The following TEAD1 variants were observed in gnomAD, a reference collection of about 807,000 sequenced individuals.
The protein encoded by TEAD1 is TEA domain transcription factor 1, also known as transcriptional enhancer factor TEF-1.
TEAD1 carries 9 observed loss-of-function variants against 54.9 expected under a neutral mutation model. The ratio of observed to expected loss-of-function variants is 0.16; its 90% CI spans 0.10 to 0.29. The LOEUF (loss-of-function observed/expected upper bound fraction) is 0.29. TEAD1 is among the 10% of genes least tolerant of loss of function. The pLI is 1.00. For missense variants in TEAD1, 387 were observed against 535.9 expected (o/e 0.72, Z 2.74); for synonymous variants, 200 against 187.8 (o/e 1.07, Z -0.53).
In TEAD1 at chr11:12,881,911, G is replaced by C; in HGVS notation, c.528G>C (p.Val176=). The change falls in exon 8 of 13, where the codon GTG becomes GTC. Residue 176 remains valine, a synonymous_variant. Coordinates refer to ENST00000527636, the MANE Select transcript of TEAD1 (RefSeq NM_021961.6). ...CTGTTCCCAGCGTCAAGCCTTTTGT[G>C]CAGCAGGCCTACCCCATCCAGCCAG... 1 of 1,614,188 alleles carries C rather than the reference G, an allele frequency of 6.2e-7. No individual in the cohort carries two copies. Among genetic ancestry groups the C allele is most frequent in the Non-Finnish European group, 8.5e-7 (1 of 1,180,026 alleles).
At chr11:12,853,023 G>C (rs576557102) in intron 3 of TEAD1, among the ~76,000 whole-genome samples, 1 of 152,226 alleles carries the variant, frequency 6.6e-6, no homozygotes, top group South Asian at 2.1e-4. Context: ...TTATAATATT[G>C]TGGTCTTTCC....
intron 2 of TEAD1, among the ~76,000 whole-genome samples, chr11:12,745,581 T>C (rs1241556069): frequency 6.7e-6 from 1 of 148,882 alleles, no homozygotes; most frequent in African/African-American, 2.6e-5. Context: ...ATTGTCATTT[T>C]AAGGGGTTTT....
At chr11:12,758,724 A>T (rs1945041442) in intron 2 of TEAD1, among the ~76,000 whole-genome samples, 1 of 151,504 alleles carries the variant, frequency 6.6e-6, no homozygotes, top group African/African-American at 2.4e-5. Flanking sequence ...ATTTTTTTAA[A>T]TAGAGGCAAG....
intron 3 of TEAD1, among the ~76,000 whole-genome samples, chr11:12,833,077 A>G (rs1044698472): frequency 3.3e-5 from 5 of 152,252 alleles, no homozygotes; most frequent in Non-Finnish European, 5.9e-5. Context: ...ATCTGATGAC[A>G]TAGTTAGTTC....
chr11:12,887,331 G>A (rs1248464650), intron 9 of TEAD1, among the ~76,000 whole-genome samples: 2 of 151,934 alleles, frequency 1.3e-5, no homozygotes, highest in Non-Finnish European at 2.9e-5. Context: ...TCCTGACCTC[G>A]TGATCTGCCC....
At position 12,764,253 on chromosome 11, in the gene TEAD1, C is replaced by G. The variant is rs745585390; in HGVS notation, c.21C>G (p.Ser7Arg). The G allele has an allele frequency of 6.2e-7, 1 of 1,613,860 alleles. No individual in the cohort carries two copies. Among genetic ancestry groups the G allele is most frequent in the South Asian group, 1.1e-5 (1 of 91,062 alleles). ...CCAAAATTGAGCCCAGCAGCTGGAG[C>G]GGCAGTGAGAGCCCTGCCGAAAACA... Residue 7 changes from serine to arginine, a missense_variant, in exon 3 of 13, where the codon AGC becomes AGG. Physicochemically the swap from Ser to Arg is moderately radical, Grantham distance 110. This residue lies in a region of TEAD1 where 55 missense variants were observed against 50.4 expected (regional missense o/e 1.09). Coordinates refer to ENST00000527636, the MANE Select transcript of TEAD1 (RefSeq NM_021961.6).
chr11:12,837,468 A>G (rs1946917023), intron 3 of TEAD1, among the ~76,000 whole-genome samples: 1 of 152,170 alleles, frequency 6.6e-6, no homozygotes, highest in African/African-American at 2.4e-5. Context: ...CCATAATAGA[A>G]TACTGGGTGG....
intron 3 of TEAD1, among the ~76,000 whole-genome samples, chr11:12,789,617 C>T (rs184632723): frequency 1.9e-3 from 286 of 152,280 alleles, no homozygotes; most frequent in African/African-American, 6.4e-3. Context: ...CCTTTACACC[C>T]GACATCTCCC....
chr11:12,915,989 T>C (rs745820451), intron 10 of TEAD1, among the ~76,000 whole-genome samples: 11 of 152,186 alleles, frequency 7.2e-5, no homozygotes, highest in Non-Finnish European at 1.5e-4. Flanking sequence ...GGAAAGAATT[T>C]GGAAACTTTT....
chr11:12,731,467 AAATT>A (rs1193947407), intron 2 of TEAD1, among the ~76,000 whole-genome samples: 2 of 152,202 alleles, frequency 1.3e-5, no homozygotes, highest in Non-Finnish European at 2.9e-5. Flanking sequence ...TTAAAAAACT[AAATT>A]AACCATATAT....
intron 3 of TEAD1, among the ~76,000 whole-genome samples, chr11:12,786,520 A>AT (rs556233810): frequency 4.3e-4 from 65 of 152,288 alleles, no homozygotes; most frequent in African/African-American, 1.5e-3. Context: ...ACAAAAAGTT[A>AT]TTTTTTAGTA....
At chr11:12,707,792 T>C (rs1943851632) in intron 2 of TEAD1, among the ~76,000 whole-genome samples, 1 of 152,254 alleles carries the variant, frequency 6.6e-6, no homozygotes, top group Non-Finnish European at 1.5e-5. Context: ...TTGTGATGTT[T>C]ACAAAGCATC....
chr11:12,800,369 A>G (rs1447493318), intron 3 of TEAD1, among the ~76,000 whole-genome samples: 1 of 152,220 alleles, frequency 6.6e-6, no homozygotes, highest in Non-Finnish European at 1.5e-5. Context: ...GCAAGCTTTG[A>G]TCAAACAGCT....
At chr11:12,713,466 A>G (rs141971070) in intron 2 of TEAD1, among the ~76,000 whole-genome samples, 14 of 152,330 alleles carry the variant, frequency 9.2e-5, no homozygotes, top group African/African-American at 3.4e-4. Flanking sequence ...ACATTACTAA[A>G]CATTGTATTA....
In TEAD1 at chr11:12,940,196, C is replaced by A. The variant is rs1949147241; in HGVS notation, c.*2974C>A. The A allele has an allele frequency of 6.6e-6, 1 of 152,160 alleles. No individual in the cohort carries two copies. The highest frequency in any genetic ancestry group is 1.9e-4 in the East Asian group (1 of 5,196). The allele number at this position is 152,160 out of a possible 1,614,324, so 9.4% of individuals were successfully genotyped here. A position where few individuals can be genotyped will look rare whatever the true frequency, so the allele number is the denominator to read the frequency against. ...GACTTATTCACACATGTTCTAGAAC[C>A]CCAGAATGGCCCAAGTTACCTGAGA... On this transcript the variant is annotated 3_prime_UTR_variant, in exon 13 of 13. Coordinates refer to ENST00000527636, the MANE Select transcript of TEAD1 (RefSeq NM_021961.6).
In TEAD1 at chr11:12,932,466, A is replaced by T. The variant is rs936456101; in HGVS notation, c.1167+2140A>T. ...AAATCAATTCTGATTCTGTTTCTGC[A>T]TGCTAAGGATGCATGTTCTCAGTCC... On this transcript the variant is annotated intron_variant, in intron 12 of 12. Transcript: ENST00000527636. Among the ~76,000 whole-genome samples the T allele has an allele frequency of 7.2e-5, 11 of 152,138 alleles. No individual in the cohort carries two copies. The South Asian group carries it at 1.7e-3, about 23-fold the overall frequency.
chr11:12,911,616 T>C (rs1438480365), intron 10 of TEAD1, among the ~76,000 whole-genome samples: 1 of 152,030 alleles, frequency 6.6e-6, no homozygotes, highest in Non-Finnish European at 1.5e-5. Flanking sequence ...AGTATCACGA[T>C]ATTCAGAGGT....
chr11:12,884,237 C>G (rs538315712), intron 9 of TEAD1, among the ~76,000 whole-genome samples: 16 of 152,214 alleles, frequency 1.1e-4, no homozygotes, highest in African/African-American at 3.6e-4. Flanking sequence ...ACCCTTTCTT[C>G]ACACCCACTC....
At position 12,882,429 on chromosome 11, in the gene TEAD1, G is replaced by A. The variant is rs61878796; in HGVS notation, c.574+472G>A. Among the ~76,000 whole-genome samples the A allele has an allele frequency of 2.0e-4, 30 of 152,136 alleles. No individual in the cohort carries two copies. In the South Asian group the frequency reaches 4.4e-3, roughly 22 times the overall value. On this transcript the variant is annotated intron_variant, in intron 8 of 12. Transcript: ENST00000527636. ...CTACCTGTCTCCTTCCCCACAAGGC[G>A]CACCCCCCATCCCCACCTGTGTGTG...
Sources: gnomAD v4.1 joint callset for allele counts (sites outside exome capture counted in the v4.1 genomes callset) on GRCh38, gnomAD v4.1.1 for gene constraint, gnomAD v4.1.1 regional missense constraint, MANE v1.5 for transcripts, NCBI Gene and HGNC (gene_info 2026-07-23, HGNC 2026-07-21) for gene names.